The following COX7B2 variants were observed in gnomAD, a reference collection of about 807,000 sequenced individuals.
COX7B2 encodes cytochrome c oxidase subunit 7B2.
For synonymous variants in COX7B2, 37 were observed against 32.1 expected, an observed-to-expected ratio of 1.15 and a Z score of -0.51; for missense variants, 109 against 95.9, an observed-to-expected ratio of 1.14 and a Z score of -0.57.
chr4:46,774,695 C>T, intron 2 of COX7B2, among the ~76,000 whole-genome samples: 1 of 151,920 alleles, frequency 6.6e-6, no homozygotes, highest in East Asian at 1.9e-4. Flanking sequence ...ACTCTTCTCT[C>T]ATATCCCTAT....
intron 2 of COX7B2, among the ~76,000 whole-genome samples, chr4:46,786,659 T>C (rs1220261275): frequency 6.6e-6 from 1 of 152,220 alleles, no homozygotes; most frequent in Non-Finnish European, 1.5e-5. Context: ...CCTTAGGGTT[T>C]ACAGCCTGGT....
intron 1 of COX7B2, among the ~76,000 whole-genome samples, chr4:46,853,719 T>C (rs1433610570): frequency 1.3e-5 from 2 of 152,084 alleles, no homozygotes; most frequent in African/African-American, 4.8e-5. Flanking sequence ...TAACTGTTTG[T>C]TTATTAAGTG....
intron 2 of COX7B2, among the ~76,000 whole-genome samples, chr4:46,826,863 T>A (rs1714732966): frequency 6.6e-6 from 1 of 151,820 alleles, no homozygotes. Flanking sequence ...TCTACTAGCA[T>A]GTGGAGGGAT....
chr4:46,890,457 T>C (rs1421205250), intron 1 of COX7B2, among the ~76,000 whole-genome samples: 1 of 152,216 alleles, frequency 6.6e-6, no homozygotes, highest in African/African-American at 2.4e-5. Flanking sequence ...CCAAAACATT[T>C]TATACTCTGG....
chr4:46,747,332 C>A (rs1291301134), intron 2 of COX7B2, among the ~76,000 whole-genome samples: 2 of 102,002 alleles, frequency 2.0e-5, no homozygotes, highest in African/African-American at 3.3e-5. Flanking sequence ...GAGTCAGAGT[C>A]TCGCTCTGTC....
At chr4:46,881,596 C>G (rs1286075737) in intron 1 of COX7B2, among the ~76,000 whole-genome samples, 1 of 148,838 alleles carries the variant, frequency 6.7e-6, no homozygotes, top group East Asian at 2.0e-4. Flanking sequence ...AACCTCATCT[C>G]TAATAAAAAA....
chr4:46,847,955 A>G (rs904478937), intron 1 of COX7B2, among the ~76,000 whole-genome samples: 1 of 152,016 alleles, frequency 6.6e-6, no homozygotes, highest in African/African-American at 2.4e-5. Flanking sequence ...GCGATGTTGC[A>G]TGGAAATTGG....
chr4:46,759,777 T>A lies in COX7B2; in HGVS notation c.-49-24536A>T, dbSNP rs946245105. 6.1e-5 allele frequency among the ~76,000 whole-genome samples: 9 copies of A among 147,260 alleles called. No individual in the cohort carries two copies. The East Asian group carries it at 1.6e-3, about 26-fold the overall frequency. On this transcript the variant is annotated intron_variant, in intron 2 of 2. Transcript: ENST00000355591. Reference sequence around the variant, plus strand: ...AAAAGTGTTATATAAGTTATATGTCTTATCTTATATAAGTTATATAAGTCA... The same window carrying A: ...AAAAGTGTTATATAAGTTATATGTCATATCTTATATAAGTTATATAAGTCA...
intron 2 of COX7B2, among the ~76,000 whole-genome samples, chr4:46,796,443 C>T (rs1200837624): frequency 1.4e-5 from 2 of 138,994 alleles, no homozygotes; most frequent in African/African-American, 5.9e-5. Context: ...CAGGAAACAA[C>T]AGGTGCTGGA....
At chr4:46,789,667 A>C (rs148759824) in intron 2 of COX7B2, among the ~76,000 whole-genome samples, 66 of 152,316 alleles carry the variant, frequency 4.3e-4, no homozygotes, top group Middle Eastern at 3.4e-3. Flanking sequence ...CACATGAATC[A>C]CTAAAACTTA....
intron 1 of COX7B2, among the ~76,000 whole-genome samples, chr4:46,867,120 G>A (rs941904771): frequency 7.9e-5 from 12 of 152,122 alleles, no homozygotes; most frequent in Admixed American, 7.2e-4. Flanking sequence ...TTGTCACAAG[G>A]CTTCCAATTC....
intron 2 of COX7B2, among the ~76,000 whole-genome samples, chr4:46,753,459 G>C (rs1466129675): frequency 6.6e-6 from 1 of 151,660 alleles, no homozygotes; most frequent in East Asian, 1.9e-4. Flanking sequence ...ACAAGAAATG[G>C]GGAAAGGATT....
At position 46,767,999 on chromosome 4, in the gene COX7B2, G is replaced by A. The variant is rs201105202; in HGVS notation, c.-49-32758C>T. Reference sequence around the variant, plus strand: ...AGTGCCTTTGGGCACTGGCAGGAACGAACCCTGTACAGGCCCCAGCAGCGT... The same window carrying A: ...AGTGCCTTTGGGCACTGGCAGGAACAAACCCTGTACAGGCCCCAGCAGCGT... On this transcript the variant is annotated intron_variant, in intron 2 of 2. Coordinates refer to ENST00000355591, the MANE Select transcript of COX7B2 (RefSeq NM_130902.3). Among the ~76,000 whole-genome samples the A allele has an allele frequency of 7.9e-5, 12 of 152,344 alleles. No homozygotes were observed. In the East Asian group the frequency reaches 1.9e-3, roughly 25 times the overall value.
At chr4:46,791,165 A>C (rs1418444143) in intron 2 of COX7B2, among the ~76,000 whole-genome samples, 1 of 150,516 alleles carries the variant, frequency 6.6e-6, no homozygotes, top group Non-Finnish European at 1.5e-5. Context: ...CATCTGGCTA[A>C]TTTTTTGTAT....
intron 2 of COX7B2, among the ~76,000 whole-genome samples, chr4:46,827,770 C>G (rs1338530649): frequency 6.6e-6 from 1 of 152,092 alleles, no homozygotes; most frequent in Admixed American, 6.5e-5. Flanking sequence ...GTGTGTGTGT[C>G]TATATATACC....
intron 2 of COX7B2, among the ~76,000 whole-genome samples, chr4:46,776,332 G>T (rs927846113): frequency 6.6e-6 from 1 of 151,558 alleles, no homozygotes; most frequent in Non-Finnish European, 1.5e-5. Context: ...AAAATATCTG[G>T]ACTATATCCT....
Position 46,740,372 on chromosome 4 carries a change from T to G in COX7B2, c.-49-5131A>C, listed in dbSNP as rs113211150. The stretch of plus-strand genomic sequence containing the variant: ...TTTATTTGTTGTATAGTTTGTTTCA[T>G]TTTTTATTTGAAAACATGTTTTGGT... On this transcript the variant is annotated intron_variant, in intron 2 of 2. Transcript: ENST00000355591. 2.6e-5 allele frequency among the ~76,000 whole-genome samples: 4 copies of G among 152,214 alleles called. 1 individual carries two copies. The highest frequency in any genetic ancestry group is 9.6e-5 in the African/African-American group (4 of 41,572).
intron 1 of COX7B2, among the ~76,000 whole-genome samples, chr4:46,858,350 C>T (rs983436901): frequency 1.3e-5 from 2 of 152,168 alleles, no homozygotes; most frequent in Admixed American, 6.5e-5. Flanking sequence ...CCTGCCTCGG[C>T]CTCCCACACT....
chr4:46,841,278 A>G (rs1715906271), intron 2 of COX7B2, among the ~76,000 whole-genome samples: 1 of 151,624 alleles, frequency 6.6e-6, no homozygotes, highest in Non-Finnish European at 1.5e-5. Context: ...AACTAAAACA[A>G]TATCAGAGGT....
Sources: allele counts gnomAD v4.1 joint callset (sites outside exome capture counted in the v4.1 genomes callset), GRCh38; gene constraint gnomAD v4.1.1; transcripts MANE v1.5; gene names NCBI Gene and HGNC (gene_info 2026-07-23, HGNC 2026-07-21).